SOX6: variants seen among roughly 807,000 people sequenced by gnomAD.
The protein encoded by SOX6 is SRY-box transcription factor 6.
In SOX6, 11 loss-of-function variants were observed where a neutral mutation model predicts 97.8. The observed-to-expected ratio is 0.11, with a 90% confidence interval of 0.07 to 0.19. The LOEUF (loss-of-function observed/expected upper bound fraction) is 0.19. SOX6 is among the 10% of genes least tolerant of loss of function. The probability of loss-of-function intolerance (pLI) is 1.00; values close to 1 mark genes in which losing one functional copy is unlikely to be tolerated. For synonymous variants in SOX6, 360 were observed against 371.4 expected, an observed-to-expected ratio of 0.97 and a Z score of 0.35; for missense variants, 810 against 1,039.5, an observed-to-expected ratio of 0.78 and a Z score of 3.04.
intron 6 of SOX6, among the ~76,000 whole-genome samples, chr11:16,116,840 C>A (rs1290289569): frequency 6.6e-6 from 1 of 152,134 alleles, no homozygotes; most frequent in Non-Finnish European, 1.5e-5. Context: ...CTCATAGGAG[C>A]ACCAACTCTA....
chr11:16,079,417 A>T (rs899588072), intron 9 of SOX6, among the ~76,000 whole-genome samples: 7 of 152,244 alleles, frequency 4.6e-5, no homozygotes, highest in African/African-American at 1.7e-4. Flanking sequence ...GTTGGAAATG[A>T]ACATGCTTAT....
chr11:16,202,074 T>G (rs901331409), intron 4 of SOX6, among the ~76,000 whole-genome samples: 5 of 152,166 alleles, frequency 3.3e-5, no homozygotes, highest in African/African-American at 1.2e-4. Context: ...ACTTATACTT[T>G]CACTACTAAT....
intron 4 of SOX6, among the ~76,000 whole-genome samples, chr11:16,501,746 T>A (rs1860712566): frequency 6.6e-6 from 1 of 152,006 alleles, no homozygotes; most frequent in African/African-American, 2.4e-5. Flanking sequence ...GAAATGCAAA[T>A]CAAAACCACA....
rs544023017 is a variant in SOX6, at chr11:16,431,906, G to A, written c.-5+44409C>T. 7.0e-4 allele frequency among the ~76,000 whole-genome samples: 107 copies of A among 151,816 alleles called. 1 individual carries two copies. Among genetic ancestry groups the A allele is most frequent in the Non-Finnish European group, 1.0e-3 (70 of 67,938 alleles). On this transcript the variant is annotated intron_variant, in intron 1 of 15. Coordinates refer to the SOX6 transcript ENST00000396356. ...CATTGCCACACATTTCCCACATTCC[G>A]GTAATCATTAAATTCTCCATAGTAA... is the stretch of plus-strand genomic sequence containing the variant.
intron 3 of SOX6, among the ~76,000 whole-genome samples, chr11:16,286,290 C>T (rs1284119601): frequency 2.0e-5 from 3 of 151,994 alleles, no homozygotes; most frequent in Non-Finnish European, 2.9e-5. Context: ...AACGTCATTG[C>T]TTAAAGAGTC....
At chr11:16,712,060 T>A (rs1290829625) in intron 3 of SOX6, among the ~76,000 whole-genome samples, 1 of 150,342 alleles carries the variant, frequency 6.7e-6, no homozygotes, top group African/African-American at 2.5e-5. Context: ...TTCCTTTTTA[T>A]GGCTGAGTAG....
intron 6 of SOX6, among the ~76,000 whole-genome samples, chr11:16,137,811 T>C (rs1223821063): frequency 6.6e-6 from 1 of 152,176 alleles, no homozygotes; most frequent in Non-Finnish European, 1.5e-5. Flanking sequence ...CATCCTGTTC[T>C]GGTGATAGTG....
chr11:16,385,111 G>A (rs1196919186), intron 1 of SOX6, among the ~76,000 whole-genome samples: 2 of 152,086 alleles, frequency 1.3e-5, no homozygotes, highest in Non-Finnish European at 2.9e-5. Context: ...ATTATCAGAA[G>A]TAATAGTACA....
intron 12 of SOX6, among the ~76,000 whole-genome samples, chr11:16,020,427 C>T (rs1855019785): frequency 6.6e-6 from 1 of 152,056 alleles, no homozygotes; most frequent in South Asian, 2.1e-4. Flanking sequence ...GATTCAAAAC[C>T]TTCCGTGGCT....
At chr11:16,411,120 G>T (rs1195586616) in intron 1 of SOX6, among the ~76,000 whole-genome samples, 2 of 151,978 alleles carry the variant, frequency 1.3e-5, no homozygotes, top group African/African-American at 2.4e-5. Flanking sequence ...GCAAATTTGG[G>T]GTCATCTGAA....
chr11:16,180,057 A>C (rs1851307588), intron 6 of SOX6, among the ~76,000 whole-genome samples: 1 of 151,802 alleles, frequency 6.6e-6, no homozygotes, highest in Admixed American at 6.6e-5. Context: ...TATTGGATCC[A>C]TAAAAAAAAT....
chr11:16,642,938 T>C (rs1032912224), intron 3 of SOX6, among the ~76,000 whole-genome samples: 1 of 152,242 alleles, frequency 6.6e-6, no homozygotes, highest in Non-Finnish European at 1.5e-5. Context: ...TCTGTCCAGC[T>C]TTGTTCCATT....
chr11:16,538,504 T>A (rs902391189), intron 4 of SOX6, among the ~76,000 whole-genome samples: 3 of 152,164 alleles, frequency 2.0e-5, no homozygotes, highest in African/African-American at 7.2e-5. Flanking sequence ...ATGGGCTAAA[T>A]GCCCCAATTA....
intron 1 of SOX6, among the ~76,000 whole-genome samples, chr11:16,458,600 T>C (rs978804750): frequency 3.3e-5 from 5 of 152,034 alleles, no homozygotes; most frequent in African/African-American, 4.8e-5. Context: ...ATACTTTCTA[T>C]GTGTGAAGCA....
chr11:16,091,698 G>T (rs1259721996), intron 9 of SOX6, among the ~76,000 whole-genome samples: 1 of 151,928 alleles, frequency 6.6e-6, no homozygotes, highest in Non-Finnish European at 1.5e-5. Flanking sequence ...TAAGAATAAC[G>T]TATGGTTGAC....
At position 16,372,288 on chromosome 11, in the gene SOX6, A is replaced by G. The variant is rs530635917; in HGVS notation, c.-4-31036T>C. On this transcript the variant is annotated intron_variant, in intron 1 of 15. Transcript: ENST00000396356. ...AGTTATTCAATTCTGCATCCTCATCACACTAACTAGGTATGATACTAAAGT... is the reference window on the plus strand; with the variant it reads ...AGTTATTCAATTCTGCATCCTCATCGCACTAACTAGGTATGATACTAAAGT... 2.6e-5 allele frequency among the ~76,000 whole-genome samples: 4 copies of G among 152,248 alleles called. No homozygotes were observed. In the East Asian group the frequency reaches 7.7e-4, roughly 29 times the overall value.
intron 7 of SOX6, among the ~76,000 whole-genome samples, chr11:16,111,183 C>A (rs773035430): frequency 6.6e-6 from 1 of 152,150 alleles, no homozygotes; most frequent in Non-Finnish European, 1.5e-5. Context: ...TTGAATTCCC[C>A]AGGAGTCCAG....
intron 4 of SOX6, among the ~76,000 whole-genome samples, chr11:16,190,292 C>G (rs1031758594): frequency 1.3e-5 from 2 of 152,190 alleles, no homozygotes; most frequent in African/African-American, 4.8e-5. Flanking sequence ...AAGGCTGTCA[C>G]TATTTTTTCC....
intron 3 of SOX6, among the ~76,000 whole-genome samples, chr11:16,690,194 G>A (rs1235362878): frequency 6.6e-6 from 1 of 152,162 alleles, no homozygotes; most frequent in African/African-American, 2.4e-5. Flanking sequence ...GCCAAGGTGT[G>A]AGCCACTGCA....
Sources: gnomAD v4.1 joint callset for allele counts (sites outside exome capture counted in the v4.1 genomes callset) on GRCh38, gnomAD v4.1.1 for gene constraint, MANE v1.5 for transcripts, NCBI Gene and HGNC (gene_info 2026-07-23, HGNC 2026-07-21) for gene names.